Variants in EFCAB13 observed in about 807,000 individuals in gnomAD.
EFCAB13 encodes EF-hand calcium-binding domain-containing protein 13.
Under a neutral mutation model 110.2 loss-of-function variants are expected in EFCAB13, and 91 were observed. The ratio of observed to expected loss-of-function variants is 0.83; its 90% confidence interval spans 0.70 to 0.98. The LOEUF (loss-of-function observed/expected upper bound fraction) is 0.98. Among genes scored for constraint, EFCAB13 ranks in the 50% least tolerant of loss-of-function variants. The pLI is 0.00. For synonymous variants in EFCAB13, 323 were observed against 369.9 expected, an observed-to-expected ratio of 0.87 and a Z score of 1.45; for missense variants, 968 against 1,119.4, an observed-to-expected ratio of 0.86 and a Z score of 1.93.
At position 47,412,883 on chromosome 17, in the gene EFCAB13, T is replaced by C. The variant is rs1475805924; in HGVS notation, c.2389T>C (p.Phe797Leu). The C allele has an allele frequency of 6.2e-7, 1 of 1,613,850 alleles. No homozygotes were observed. Among genetic ancestry groups the C allele is most frequent in the East Asian group, 2.2e-5 (1 of 44,822 alleles). Residue 797 changes from phenylalanine to leucine, a missense_variant, in exon 22 of 25, where the codon TTC becomes CTC. By Grantham distance (22) the Phe-to-Leu change is conservative. Transcript: ENST00000331493. ...CLNVNLTEED[F>L]NEALNCCNVS... ...GAATGTTAATTTAACTGAGGAGGAC[T>C]TCAATGAAGCCCTTAACTGTTGTAA...
intron 10 of EFCAB13, among the ~76,000 whole-genome samples, chr17:47,363,004 AT>A (rs2065524916): frequency 6.6e-6 from 1 of 151,944 alleles, no homozygotes; most frequent in Non-Finnish European, 1.5e-5. Flanking sequence ...TTGTGTCTTT[AT>A]TTCTACACTC....
intron 24 of EFCAB13, 122 bp from the exon 25 acceptor site, chr17:47,440,309 A>G (rs1242990148): frequency 4.1e-6 from 4 of 966,756 alleles, no homozygotes; most frequent in Admixed American, 6.9e-5. Context: ...GGGAGAAGAA[A>G]TAGCCCAGCC....
At chr17:47,381,107 C>T (rs1253754622) in intron 14 of EFCAB13, among the ~76,000 whole-genome samples, 1 of 152,068 alleles carries the variant, frequency 6.6e-6, no homozygotes, top group Non-Finnish European at 1.5e-5. Context: ...TGGTCTTGAT[C>T]TCCTGACCTT....
chr17:47,401,887 A>C (rs897845061), intron 17 of EFCAB13, among the ~76,000 whole-genome samples: 2 of 151,830 alleles, frequency 1.3e-5, no homozygotes, highest in African/African-American at 4.8e-5. Flanking sequence ...CTCATGGTCC[A>C]CCCACCTCAG....
At chr17:47,361,548 T>C (rs1257172512) in intron 10 of EFCAB13, 27 bp downstream of exon 10, 9 of 1,570,364 alleles carry the variant, frequency 5.7e-6, no homozygotes. Flanking sequence ...GAGATATATA[T>C]GTCCATATAT....
chr17:47,339,293 G>A (rs1008874075), intron 5 of EFCAB13, among the ~76,000 whole-genome samples: 1 of 152,064 alleles, frequency 6.6e-6, no homozygotes, highest in Non-Finnish European at 1.5e-5. Flanking sequence ...TATGGCAGTG[G>A]TCTCCAGACT....
intron 24 of EFCAB13, among the ~76,000 whole-genome samples, chr17:47,440,186 T>G (rs539532230): frequency 2.4e-4 from 37 of 152,248 alleles, no homozygotes; most frequent in African/African-American, 8.4e-4. Context: ...TGGCATAGGT[T>G]TTTAAAGATG....
intron 23 of EFCAB13, among the ~76,000 whole-genome samples, chr17:47,419,823 G>A (rs1334293224): frequency 6.6e-6 from 1 of 152,006 alleles, no homozygotes; most frequent in Non-Finnish European, 1.5e-5. Flanking sequence ...TGTGAACATT[G>A]TATTCTATAT....
At chr17:47,423,979 G>C (rs544128479) in intron 23 of EFCAB13, among the ~76,000 whole-genome samples, 1 of 152,224 alleles carries the variant, frequency 6.6e-6, no homozygotes, top group Admixed American at 6.5e-5. Flanking sequence ...GGGGGCGCGC[G>C]GGCCAGTTGC....
intron 20 of EFCAB13, among the ~76,000 whole-genome samples, chr17:47,408,422 G>A (rs974921705): frequency 9.2e-5 from 14 of 152,208 alleles, no homozygotes; most frequent in Admixed American, 9.2e-4. Context: ...AGGCCAAGGC[G>A]GGCAGATCAC....
At chr17:47,360,477 AT>A (rs1304402823) in intron 9 of EFCAB13, among the ~76,000 whole-genome samples, 1 of 150,112 alleles carries the variant, frequency 6.7e-6, no homozygotes, top group African/African-American at 2.4e-5. Context: ...GGGGTTGTTT[AT>A]TTTTTTCTTG....
At chr17:47,413,267 T>C (rs543825787) in intron 22 of EFCAB13, among the ~76,000 whole-genome samples, 1 of 152,252 alleles carries the variant, frequency 6.6e-6, no homozygotes, top group South Asian at 2.1e-4. Context: ...CAGTACTTGC[T>C]CCATTTTGAT....
chr17:47,361,488 T>G lies in EFCAB13; in HGVS notation c.772T>G (p.Leu258Val). 1 of 1,611,584 alleles carries G rather than the reference T, an allele frequency of 6.2e-7. No homozygotes were observed. Among genetic ancestry groups the G allele is most frequent in the Non-Finnish European group, 8.5e-7 (1 of 1,178,596 alleles). ...SMGIPINREI[L>V]EEVTKHTYID... ...GGGTATCCCTATAAACCGTGAAATT[T>G]TAGAAGAAGTGACAAAACATACCTA... The change falls in exon 10 of 25, where the codon TTA becomes GTA. Residue 258 changes from leucine (L) to valine (V), a missense_variant. By Grantham distance (32) the Leu-to-Val change is conservative. Coordinates refer to ENST00000331493, the MANE Select transcript of EFCAB13 (RefSeq NM_152347.5).
chr17:47,389,662 C>T (rs1376381209), intron 14 of EFCAB13, among the ~76,000 whole-genome samples: 2 of 149,192 alleles, frequency 1.3e-5, no homozygotes, highest in Non-Finnish European at 3.0e-5. Context: ...GAAACTCATT[C>T]TCTTCTTTTA....
At chr17:47,329,247 T>C (rs1183583905) in intron 4 of EFCAB13, among the ~76,000 whole-genome samples, 1 of 151,956 alleles carries the variant, frequency 6.6e-6, no homozygotes, top group Non-Finnish European at 1.5e-5. Flanking sequence ...CTAAGTCATA[T>C]GGGGAGGAGT....
chr17:47,343,976 A>G (rs943034464), intron 6 of EFCAB13, among the ~76,000 whole-genome samples, 186 bp from the exon 7 acceptor site: 3 of 152,158 alleles, frequency 2.0e-5, no homozygotes, highest in Non-Finnish European at 4.4e-5. Flanking sequence ...AGAACATTGC[A>G]TAGTTTATTA....
intron 9 of EFCAB13, among the ~76,000 whole-genome samples, chr17:47,349,569 A>C (rs1241187184): frequency 6.6e-6 from 1 of 152,112 alleles, no homozygotes; most frequent in Non-Finnish European, 1.5e-5. Context: ...CTCTGTGTAT[A>C]GATAATAGTA....
intron 9 of EFCAB13, among the ~76,000 whole-genome samples, chr17:47,352,984 C>CTT (rs1486510954): frequency 6.6e-6 from 1 of 152,084 alleles, no homozygotes; most frequent in Non-Finnish European, 1.5e-5. Flanking sequence ...TGGGAGGAGT[C>CTT]TTTAGGGTTT....
At chr17:47,433,280 G>A (rs1905154009) in intron 24 of EFCAB13, among the ~76,000 whole-genome samples, 1 of 152,074 alleles carries the variant, frequency 6.6e-6, no homozygotes, top group African/African-American at 2.4e-5. Context: ...AACATATAAT[G>A]CATTATATTA....
Sources: gnomAD v4.1 joint callset for allele counts (sites outside exome capture counted in the v4.1 genomes callset) on GRCh38, gnomAD v4.1.1 for gene constraint, MANE v1.5 for transcripts, NCBI Gene and HGNC (gene_info 2026-07-23, HGNC 2026-07-21) for gene names.